RPS6KA3: variants seen among roughly 807,000 people sequenced by gnomAD.
The protein encoded by RPS6KA3 is ribosomal protein S6 kinase alpha-3.
A neutral mutation model predicts 67.2 loss-of-function variants in RPS6KA3; 4 were observed. The observed-to-expected ratio is 0.06, with a 90% CI of 0.03 to 0.14. The LOEUF (loss-of-function observed/expected upper bound fraction) is 0.14. Ranked by LOEUF, RPS6KA3 falls within the 10% of genes least tolerant of loss-of-function variation. The pLI, the probability that RPS6KA3 is intolerant of heterozygous loss-of-function variation, is 1.00. For synonymous variants in RPS6KA3, 182 were observed against 183.7 expected (o/e 0.99, Z 0.07); for missense variants, 204 against 559.0 (o/e 0.36, Z 6.40).
intron 2 of RPS6KA3, among the ~76,000 whole-genome samples, chrX:20,213,406 T>C (rs1254163288): frequency 2.7e-5 from 3 of 111,864 alleles, no homozygotes; most frequent in African/African-American, 6.5e-5. Flanking sequence ...CTTCATCATC[T>C]TCCTCTCTAT....
chrX:20,187,654 C>T (rs1256625560), intron 9 of RPS6KA3, among the ~76,000 whole-genome samples, 174 bp downstream of exon 9: 2 of 111,610 alleles, frequency 1.8e-5, no homozygotes, highest in Non-Finnish European at 3.8e-5. Context: ...ATGAGATAGA[C>T]GCAGCTAACA....
intron 14 of RPS6KA3, 111 bp downstream of exon 14, chrX:20,175,053 C>G (rs1270253853): frequency 1.9e-5 from 15 of 810,014 alleles, no homozygotes; most frequent in Non-Finnish European, 2.8e-5. Context: ...TATGCCCAGT[C>G]TAAAATGTAT....
intron 10 of RPS6KA3, among the ~76,000 whole-genome samples, chrX:20,182,869 AG>A (rs950371440): frequency 8.9e-5 from 10 of 111,873 alleles, no homozygotes; most frequent in African/African-American, 2.9e-4. Context: ...TTGTACTGTC[AG>A]TCTTTTTATT....
chrX:20,266,865 C>G lies in RPS6KA3; in HGVS notation c.-233G>C. On this transcript the variant is annotated 5_prime_UTR_variant, in exon 1 of 22. Transcript: ENST00000379565. ...TGGCCAGAGACGCCCGCGCGCTGAG[C>G]GAGAGCCTCGCGCCTCCGCTGGGCA... 6.5e-6 allele frequency: 3 copies of G among 463,054 alleles called. No homozygotes were observed. Among genetic ancestry groups the G allele is most frequent in the Non-Finnish European group, 8.0e-6 (3 of 372,751 alleles). 38.2% of individuals were successfully genotyped at this position (463,054 alleles called of 1,213,427 possible).
intron 4 of RPS6KA3, among the ~76,000 whole-genome samples, chrX:20,203,116 T>C (rs1344613184): frequency 8.9e-6 from 1 of 111,928 alleles, no homozygotes; most frequent in African/African-American, 3.3e-5. Flanking sequence ...TTCAAAGCTT[T>C]ATAAATTACA....
At chrX:20,190,333 A>T (rs1474161090) in intron 7 of RPS6KA3, among the ~76,000 whole-genome samples, 1 of 112,204 alleles carries the variant, frequency 8.9e-6, no homozygotes, top group Non-Finnish European at 1.9e-5. Flanking sequence ...CTAAAAATTT[A>T]AATTTCTCCC....
chrX:20,165,413 G>A (rs1190931841), intron 17 of RPS6KA3, among the ~76,000 whole-genome samples: 7 of 111,685 alleles, frequency 6.3e-5, no homozygotes, highest in East Asian at 5.6e-4. Flanking sequence ...TGTAGATACC[G>A]TGGTGAACAA....
chrX:20,157,603 T>C (rs141660683), intron 20 of RPS6KA3, among the ~76,000 whole-genome samples: 1,605 of 111,116 alleles, frequency 0.014, 28 homozygotes, highest in African/African-American at 0.05. Flanking sequence ...AAGTAAGTTC[T>C]TTGACAGGAT....
rs1389704146 is a variant in RPS6KA3 at position 20,184,391 on chromosome X, ACTTTT to A, written c.845+1900_845+1904del. Among the ~76,000 whole-genome samples, 34 of 102,385 alleles carry A rather than the reference ACTTTT, an allele frequency of 3.3e-4. No individual in the cohort carries two copies. The South Asian group carries it at 0.014, about 43-fold the overall frequency. The allele number at this position is 102,385 out of a possible 115,157, so 88.9% of individuals were successfully genotyped here. ...TAAAATTACGTATGTGGTTCGCATT[ACTTTT>A]CTTTTTTTTTTTTTTTTTTTGAGAC... On this transcript the variant is annotated intron_variant, in intron 10 of 21. Coordinates refer to ENST00000379565, the MANE Select transcript of RPS6KA3 (RefSeq NM_004586.3).
At chrX:20,159,887 G>T (rs1449294501) in intron 20 of RPS6KA3, among the ~76,000 whole-genome samples, 1 of 111,235 alleles carries the variant, frequency 9.0e-6, no homozygotes. Context: ...ACAATACCCA[G>T]AGTTAAGCCC....
intron 2 of RPS6KA3, among the ~76,000 whole-genome samples, chrX:20,220,469 ACAGAATGG>A (rs772434932): frequency 2.8e-5 from 3 of 107,314 alleles, no homozygotes; most frequent in Non-Finnish European, 5.7e-5. Context: ...ACCGCCTAAC[ACAGAATGG>A]CAGTCTGAAC....
chrX:20,258,454 G>A (rs770258681), intron 1 of RPS6KA3, among the ~76,000 whole-genome samples: 9 of 111,872 alleles, frequency 8.0e-5, no homozygotes, highest in African/African-American at 1.3e-4. Context: ...CTGCACTTGA[G>A]ATGCATTTCA....
At chrX:20,265,366 C>T (rs1003907353) in intron 1 of RPS6KA3, 8 of 112,257 alleles carry the variant, frequency 7.1e-5, no homozygotes, top group African/African-American at 2.3e-4. Context: ...CTGACGTAAC[C>T]AGTAACCCTA....
At chrX:20,246,385 G>A (rs1342060786) in intron 1 of RPS6KA3, among the ~76,000 whole-genome samples, 1 of 110,829 alleles carries the variant, frequency 9.0e-6, no homozygotes, top group African/African-American at 3.3e-5. Flanking sequence ...CTTGTCAGGG[G>A]AAACGACAAT....
intron 14 of RPS6KA3, 32 bp from the exon 15 acceptor site, chrX:20,172,903 C>T: frequency 1.7e-6 from 2 of 1,183,283 alleles, no homozygotes; most frequent in Non-Finnish European, 2.3e-6. Context: ...TGAAGAGTCC[C>T]ATAATGCCTT....
At chrX:20,196,617 A>G (rs1948213321) in intron 4 of RPS6KA3, among the ~76,000 whole-genome samples, 1 of 111,683 alleles carries the variant, frequency 9.0e-6, no homozygotes, top group Admixed American at 9.5e-5. Context: ...AAGCAGCTAA[A>G]AAATGCCCTA....
chrX:20,213,227 A>G (rs990751707), intron 2 of RPS6KA3, among the ~76,000 whole-genome samples: 1 of 112,240 alleles, frequency 8.9e-6, no homozygotes, highest in Non-Finnish European at 1.9e-5. Flanking sequence ...GGTAATAAAC[A>G]GTGGCAGAAT....
At chrX:20,248,872 G>A (rs1349078524) in intron 1 of RPS6KA3, among the ~76,000 whole-genome samples, 1 of 110,709 alleles carries the variant, frequency 9.0e-6, no homozygotes, top group Non-Finnish European at 1.9e-5. Context: ...GTATGTAGCT[G>A]TGTTTTCTAG....
intron 18 of RPS6KA3, among the ~76,000 whole-genome samples, chrX:20,164,149 C>G (rs2067374392): frequency 9.1e-6 from 1 of 110,492 alleles, no homozygotes; most frequent in African/African-American, 3.3e-5. Context: ...AGACCCTGTC[C>G]CTAAACAAAC....
Sources: allele counts gnomAD v4.1 joint callset (sites outside exome capture counted in the v4.1 genomes callset), GRCh38; gene constraint gnomAD v4.1.1; transcripts MANE v1.5; gene names NCBI Gene and HGNC (gene_info 2026-07-23, HGNC 2026-07-21).